Variants in PRKG1 observed in about 807,000 individuals in gnomAD.
The protein encoded by PRKG1 is protein kinase cGMP-dependent 1, also known as cGMP-dependent protein kinase 1.
A neutral mutation model predicts 88.1 loss-of-function variants in PRKG1; 35 were observed. That is an observed-to-expected ratio of 0.40 (90% confidence interval 0.30 to 0.53). PRKG1 has a LOEUF of 0.53. Among genes scored for constraint, PRKG1 ranks in the 20% least tolerant of loss-of-function variants. PRKG1 has a pLI of 0.59. For missense variants in PRKG1, 540 were observed against 839.8 expected (o/e 0.64, Z 4.41); for synonymous variants, 303 against 292.5 (o/e 1.04, Z -0.37).
chr10:51,221,641 C>CT (rs938525807), intron 2 of PRKG1, among the ~76,000 whole-genome samples: 6 of 145,500 alleles, frequency 4.1e-5, no homozygotes, highest in East Asian at 2.0e-4. Flanking sequence ...GATTGGCAAA[C>CT]TTTTTTTTTC....
chr10:51,996,251 G>T (rs1436565387), intron 5 of PRKG1, among the ~76,000 whole-genome samples: 1 of 141,488 alleles, frequency 7.1e-6, no homozygotes, highest in Non-Finnish European at 1.5e-5. Flanking sequence ...GGCAGTGGAG[G>T]TTGCAGTGAG....
At chr10:51,575,878 A>G (rs868670137) in intron 3 of PRKG1, among the ~76,000 whole-genome samples, 54 of 152,024 alleles carry the variant, frequency 3.6e-4, no homozygotes, top group African/African-American at 1.3e-3. Context: ...TAAGTATGAA[A>G]CAAATCAGTA....
intron 3 of PRKG1, among the ~76,000 whole-genome samples, chr10:51,700,670 T>C (rs2132413331): frequency 6.6e-6 from 1 of 152,310 alleles, no homozygotes; most frequent in Middle Eastern, 3.4e-3. Context: ...AAGTCAGGAT[T>C]CTAACCCAGC....
chr10:51,270,845 TCTAGA>T (rs1463878586), intron 2 of PRKG1, among the ~76,000 whole-genome samples: 1 of 152,078 alleles, frequency 6.6e-6, no homozygotes, highest in East Asian at 1.9e-4. Context: ...TATAAGGGAA[TCTAGA>T]CTAGGAAGTT....
At chr10:52,201,777 T>A (rs1392299370) in intron 9 of PRKG1, among the ~76,000 whole-genome samples, 1 of 152,170 alleles carries the variant, frequency 6.6e-6, no homozygotes, top group African/African-American at 2.4e-5. Context: ...CCTCCCTGAC[T>A]AGATGTATTC....
intron 2 of PRKG1, among the ~76,000 whole-genome samples, chr10:51,223,356 C>A (rs1392209345): frequency 4.6e-5 from 7 of 152,088 alleles, no homozygotes; most frequent in Non-Finnish European, 1.0e-4. Context: ...AAGATATAAA[C>A]CCCATGAAGA....
At chr10:51,254,749 ATTATAAT>A (rs1839514223) in intron 2 of PRKG1, among the ~76,000 whole-genome samples, 1 of 152,042 alleles carries the variant, frequency 6.6e-6, no homozygotes, top group Non-Finnish European at 1.5e-5. Context: ...TTAGACTGAA[ATTATAAT>A]TTATAAAGAG....
intron 1 of PRKG1, among the ~76,000 whole-genome samples, chr10:51,143,056 C>T (rs1845859085): frequency 6.6e-6 from 1 of 152,040 alleles, no homozygotes; most frequent in African/African-American, 2.4e-5. Context: ...CCTTGCTGTA[C>T]AGTAGGTCTC....
At chr10:52,211,779 T>G (rs1839982207) in intron 9 of PRKG1, among the ~76,000 whole-genome samples, 1 of 151,246 alleles carries the variant, frequency 6.6e-6, no homozygotes, top group Admixed American at 6.6e-5. Flanking sequence ...CTACGGAAAG[T>G]GGAAGATATG....
At chr10:51,726,690 G>A (rs1387616751) in intron 3 of PRKG1, among the ~76,000 whole-genome samples, 2 of 152,200 alleles carry the variant, frequency 1.3e-5, no homozygotes, top group Non-Finnish European at 2.9e-5. Context: ...TGTAACCATG[G>A]TTAACGTAAC....
Position 51,902,421 on chromosome 10 carries a change from C to A in PRKG1, c.699-5086C>A, listed in dbSNP as rs182508268. Reference sequence around the variant, plus strand: ...GTGAGCCACCACACCTGGCCTTAAACTTTATTTTATTAACTTCTTAATAAG... The same window carrying A: ...GTGAGCCACCACACCTGGCCTTAAAATTTATTTTATTAACTTCTTAATAAG... On this transcript the variant is annotated intron_variant, in intron 4 of 17. Transcript: ENST00000373980. Among the ~76,000 whole-genome samples, 628 of 152,170 alleles carry A rather than the reference C, an allele frequency of 4.1e-3. 3 individuals carry two copies. Among genetic ancestry groups the A allele is most frequent in the Non-Finnish European group, 6.4e-3 (433 of 67,994 alleles).
At chr10:51,277,551 A>G (rs1459978900) in intron 2 of PRKG1, among the ~76,000 whole-genome samples, 6 of 152,218 alleles carry the variant, frequency 3.9e-5, no homozygotes, top group African/African-American at 1.2e-4. Context: ...ATTACCTTGG[A>G]CGGTATGGCC....
chr10:51,158,706 C>G (rs775217174), intron 2 of PRKG1, among the ~76,000 whole-genome samples: 33 of 152,036 alleles, frequency 2.2e-4, no homozygotes, highest in South Asian at 4.1e-4. Flanking sequence ...CTTGGTCCAC[C>G]TCTGTGTCCT....
intron 3 of PRKG1, among the ~76,000 whole-genome samples, chr10:51,763,083 G>T (rs1447681373): frequency 1.3e-5 from 2 of 152,048 alleles, no homozygotes; most frequent in African/African-American, 2.4e-5. Context: ...TAGGAAGAAG[G>T]TTATAATCTA....
At chr10:52,041,429 A>C (rs1845753273) in intron 5 of PRKG1, among the ~76,000 whole-genome samples, 1 of 152,084 alleles carries the variant, frequency 6.6e-6, no homozygotes, top group African/African-American at 2.4e-5. Flanking sequence ...GTTGGCCTAT[A>C]GTTTGTCATT....
chr10:51,088,808 ATTTTT>A (rs200475991), intron 1 of PRKG1, among the ~76,000 whole-genome samples: 1 of 137,028 alleles, frequency 7.3e-6, no homozygotes. Flanking sequence ...ATTTAATATG[ATTTTT>A]TTTTTTTTTT....
At chr10:51,056,503 A>G (rs1843627758) in intron 1 of PRKG1, among the ~76,000 whole-genome samples, 1 of 152,200 alleles carries the variant, frequency 6.6e-6, no homozygotes, top group African/African-American at 2.4e-5. Context: ...CTTTGGCCAT[A>G]TCTTTCCTTC....
intron 9 of PRKG1, among the ~76,000 whole-genome samples, chr10:52,198,728 A>T (rs1421554862): frequency 6.6e-6 from 1 of 151,898 alleles, no homozygotes. Context: ...TCCTCTTCAG[A>T]TTCTGGTGGC....
At chr10:51,447,189 A>T (rs1370329640) in intron 2 of PRKG1, among the ~76,000 whole-genome samples, 1 of 152,036 alleles carries the variant, frequency 6.6e-6, no homozygotes, top group Non-Finnish European at 1.5e-5. Context: ...AAGTAGTCTC[A>T]TATTCATTTA....
Sources: allele counts gnomAD v4.1 joint callset (sites outside exome capture counted in the v4.1 genomes callset), GRCh38; gene constraint gnomAD v4.1.1; transcripts MANE v1.5; gene names NCBI Gene and HGNC (gene_info 2026-07-23, HGNC 2026-07-21).